The following TRAK1 variants were observed in gnomAD, a reference collection of about 807,000 sequenced individuals.
TRAK1 encodes the protein trafficking kinesin protein 1, also known as trafficking kinesin-binding protein 1.
TRAK1 carries 33 observed loss-of-function variants against 92.1 expected under a neutral mutation model. The observed-to-expected ratio is 0.36, with a 90% confidence interval of 0.27 to 0.48. TRAK1 has a LOEUF of 0.48. Among genes scored for constraint, TRAK1 ranks in the 20% least tolerant of loss-of-function variants. The probability of loss-of-function intolerance (pLI) is 0.99; values close to 1 mark genes in which losing one functional copy is unlikely to be tolerated. For missense variants in TRAK1, 1,123 were observed against 1,257.9 expected (o/e 0.89, Z 1.62); for synonymous variants, 521 against 517.3 (o/e 1.01, Z -0.10).
chr3:42,187,148 G>A (rs1705003386), intron 4 of TRAK1, among the ~76,000 whole-genome samples: 1 of 152,166 alleles, frequency 6.6e-6, no homozygotes, highest in Admixed American at 6.5e-5. Context: ...TTCTTCCTGT[G>A]TGTGAAATTC....
intron 2 of TRAK1, among the ~76,000 whole-genome samples, chr3:42,172,790 G>A (rs1020257825): frequency 1.3e-5 from 2 of 152,188 alleles, no homozygotes; most frequent in Non-Finnish European, 2.9e-5. Flanking sequence ...ACTATGGTGG[G>A]TAGGCAGCAA....
At chr3:42,143,534 A>G (rs1044104127) in intron 2 of TRAK1, among the ~76,000 whole-genome samples, 2 of 152,120 alleles carry the variant, frequency 1.3e-5, no homozygotes, top group East Asian at 3.9e-4. Context: ...CTGAGGAGTA[A>G]GTGAGATATA....
At chr3:42,138,662 G>A (rs889815043) in intron 2 of TRAK1, among the ~76,000 whole-genome samples, 1 of 151,182 alleles carries the variant, frequency 6.6e-6, no homozygotes, top group African/African-American at 2.4e-5. Context: ...TGAGGCAGGA[G>A]GATTGCCTGA....
intron 2 of TRAK1, 99 bp from the exon 3 acceptor site, chr3:42,176,714 TA>T: frequency 9.6e-7 from 1 of 1,044,830 alleles, no homozygotes; most frequent in Non-Finnish European, 1.5e-6. Context: ...CCTCTGTGTC[TA>T]ATGTGCAGGC....
At chr3:42,015,013 A>C (rs907907080) in intron 1 of TRAK1, among the ~76,000 whole-genome samples, 1 of 152,146 alleles carries the variant, frequency 6.6e-6, no homozygotes, top group Non-Finnish European at 1.5e-5. Context: ...AGCAGCGAAG[A>C]GGAAGGTGCT....
chr3:42,219,788 T>TG (rs1710144322), intron 15 of TRAK1, among the ~76,000 whole-genome samples, 192 bp downstream of exon 15: 2 of 46,516 alleles, frequency 4.3e-5, no homozygotes, highest in African/African-American at 1.5e-4. Context: ...TGTTATGTGT[T>TG]TTTTTTTTTT....
intron 2 of TRAK1, among the ~76,000 whole-genome samples, chr3:42,130,707 G>A (rs1382748348): frequency 1.3e-5 from 2 of 152,134 alleles, no homozygotes; most frequent in Non-Finnish European, 2.9e-5. Context: ...GCTTATGTGG[G>A]AGGAGGGAGG....
chr3:42,185,380 C>A (rs542919609), intron 4 of TRAK1, among the ~76,000 whole-genome samples: 1 of 152,156 alleles, frequency 6.6e-6, no homozygotes, highest in South Asian at 2.1e-4. Context: ...CCTCTTATTT[C>A]CATGATATAA....
chr3:42,079,635 A>G (rs748534880), intron 1 of TRAK1, among the ~76,000 whole-genome samples: 4 of 151,662 alleles, frequency 2.6e-5, no homozygotes, highest in African/African-American at 4.8e-5. Flanking sequence ...GCTCACCACC[A>G]TGCCTGGCAA....
intron 1 of TRAK1, among the ~76,000 whole-genome samples, chr3:42,111,418 C>G (rs1044014056): frequency 6.7e-6 from 1 of 148,556 alleles, no homozygotes; most frequent in Non-Finnish European, 1.5e-5. Flanking sequence ...TTTTTTGAGA[C>G]GGAGTCTCAC....
intron 1 of TRAK1, among the ~76,000 whole-genome samples, chr3:42,031,191 A>G (rs968120110): frequency 4.0e-5 from 6 of 148,300 alleles, no homozygotes; most frequent in African/African-American, 1.0e-4. Context: ...ATGTGCCACC[A>G]TGCCTGGCTA....
At chr3:42,147,607 C>T (rs1003224142) in intron 2 of TRAK1, among the ~76,000 whole-genome samples, 3 of 152,174 alleles carry the variant, frequency 2.0e-5, no homozygotes, top group East Asian at 1.9e-4. Flanking sequence ...CTTTTCCCTC[C>T]GGGACTTGAG....
intron 2 of TRAK1, among the ~76,000 whole-genome samples, chr3:42,174,491 T>C (rs1222366554): frequency 2.0e-5 from 3 of 151,880 alleles, no homozygotes; most frequent in Admixed American, 1.3e-4. Flanking sequence ...AGGATCCCTC[T>C]GTATTATTTC....
intron 1 of TRAK1, among the ~76,000 whole-genome samples, chr3:42,067,812 T>C (rs1388956965): frequency 6.6e-6 from 1 of 152,186 alleles, no homozygotes; most frequent in East Asian, 1.9e-4. Flanking sequence ...AGTTAGTTTT[T>C]TTTTCTTTTT....
chr3:42,207,519 G>A (rs533054080), intron 13 of TRAK1, among the ~76,000 whole-genome samples: 1 of 152,284 alleles, frequency 6.6e-6, no homozygotes, highest in Admixed American at 6.5e-5. Context: ...GCTTTGGAAA[G>A]TTATCTAACT....
chr3:42,178,918 T>A (rs1349290811), intron 3 of TRAK1, among the ~76,000 whole-genome samples: 1 of 151,954 alleles, frequency 6.6e-6, no homozygotes, highest in Non-Finnish European at 1.5e-5. Context: ...GAGATTGCCG[T>A]GCACCGAGAT....
Position 42,185,039 on chromosome 3 carries a change from G to T in TRAK1, c.480+238G>T, listed in dbSNP as rs76686744. The T allele has an allele frequency of 0.063, 31,196 of 497,576 alleles. 1,170 individuals are homozygous for T. Among genetic ancestry groups the T allele is most frequent in the Middle Eastern group, 0.086 (160 of 1,860 alleles). The allele number at this position is 497,576 out of a possible 1,614,324, so 30.8% of individuals were successfully genotyped here. On this transcript the variant is annotated intron_variant, in intron 4 of 15. Transcript: ENST00000327628. ...TTCTTTCCTCAGGCCATGTGGATGG[G>T]ATGGCTAAGGGCGGGCATGGTCCTC...
intron 9 of TRAK1, 48 bp downstream of exon 9, chr3:42,193,946 G>C (rs1261815976): frequency 6.4e-7 from 1 of 1,567,840 alleles, no homozygotes. Context: ...TGCAGCCAAG[G>C]TGGATTAGCC....
At chr3:42,047,902 T>TC (rs34921385) in intron 1 of TRAK1, among the ~76,000 whole-genome samples, 21,526 of 140,418 alleles carry the variant, frequency 0.15, 2,005 homozygotes, top group Admixed American at 0.23. Flanking sequence ...TTTAAAACAC[T>TC]CCCCCCCATA....
Sources: allele counts gnomAD v4.1 joint callset (sites outside exome capture counted in the v4.1 genomes callset), GRCh38; gene constraint gnomAD v4.1.1; transcripts MANE v1.5; gene names NCBI Gene and HGNC (gene_info 2026-07-23, HGNC 2026-07-21).